The following PTPRT variants were observed in gnomAD, a reference collection of about 807,000 sequenced individuals.
The protein encoded by PTPRT is receptor-type tyrosine-protein phosphatase T.
Under a neutral mutation model 176.8 loss-of-function variants are expected in PTPRT, and 56 were observed. The observed-to-expected ratio is 0.32, with a 90% CI of 0.26 to 0.40. The LOEUF (loss-of-function observed/expected upper bound fraction) is 0.40. PTPRT is among the 10% of genes least tolerant of loss of function. The probability of loss-of-function intolerance (pLI) is 1.00; values close to 1 mark genes in which losing one functional copy is unlikely to be tolerated. For missense variants in PTPRT, 1,540 were observed against 1,908.2 expected (o/e 0.81, Z 3.60); for synonymous variants, 783 against 739.0 (o/e 1.06, Z -0.96).
At chr20:42,935,300 C>T (rs994374595) in intron 1 of PTPRT, among the ~76,000 whole-genome samples, 5 of 151,690 alleles carry the variant, frequency 3.3e-5, no homozygotes, top group South Asian at 4.2e-4. Flanking sequence ...CCAGCACACC[C>T]GGCTAATTTC....
At chr20:42,130,297 G>A (rs1306113234) in intron 18 of PTPRT, among the ~76,000 whole-genome samples, 1 of 152,208 alleles carries the variant, frequency 6.6e-6, no homozygotes, top group African/African-American at 2.4e-5. Context: ...TTGGGCTGAA[G>A]GGATGGAGGG....
intron 11 of PTPRT, among the ~76,000 whole-genome samples, chr20:42,348,709 C>A (rs181811433): frequency 6.1e-4 from 93 of 152,272 alleles, no homozygotes; most frequent in Non-Finnish European, 1.0e-3. Context: ...AAGTTGCAGA[C>A]CCATCTTTTC....
chr20:42,599,735 T>G (rs1307459237), intron 7 of PTPRT, among the ~76,000 whole-genome samples: 3 of 152,152 alleles, frequency 2.0e-5, no homozygotes, highest in African/African-American at 4.8e-5. Flanking sequence ...TCAAAGAGCA[T>G]GTACAATGGG....
At chr20:42,977,959 T>G (rs1416000830) in intron 1 of PTPRT, among the ~76,000 whole-genome samples, 1 of 152,188 alleles carries the variant, frequency 6.6e-6, no homozygotes, top group Non-Finnish European at 1.5e-5. Context: ...CTCCAGTGGA[T>G]GCCTGGTGCA....
At chr20:42,265,621 T>G (rs6513775) in intron 13 of PTPRT, among the ~76,000 whole-genome samples, 1 of 151,784 alleles carries the variant, frequency 6.6e-6, no homozygotes, top group Non-Finnish European at 1.5e-5. Flanking sequence ...CATTTTCCCC[T>G]CATGGTGGCT....
At chr20:42,597,895 G>T (rs1160310518) in intron 7 of PTPRT, among the ~76,000 whole-genome samples, 2 of 152,118 alleles carry the variant, frequency 1.3e-5, no homozygotes, top group African/African-American at 4.8e-5. Context: ...TTATAATTCT[G>T]CCAACAGCAT....
intron 7 of PTPRT, among the ~76,000 whole-genome samples, chr20:42,529,728 C>A (rs867609133): frequency 4.0e-5 from 6 of 151,828 alleles, no homozygotes; most frequent in Non-Finnish European, 8.8e-5. Flanking sequence ...CTTAGGTGAT[C>A]CACTGTCCTC....
chr20:42,635,115 A>G (rs2145910865), intron 7 of PTPRT, among the ~76,000 whole-genome samples: 1 of 152,194 alleles, frequency 6.6e-6, no homozygotes, highest in South Asian at 2.1e-4. Flanking sequence ...GAAAAAAAAT[A>G]TTTTTCAGAA....
chr20:42,047,366 G>C, the PTPRT span, among the ~76,000 whole-genome samples: 2 of 152,198 alleles, frequency 1.3e-5, no homozygotes, highest in Non-Finnish European at 2.9e-5. Context: ...TGCCTGGGCT[G>C]TCAGACAGCT....
At chr20:42,292,979 T>G (rs1267996640) in intron 12 of PTPRT, among the ~76,000 whole-genome samples, 2 of 152,108 alleles carry the variant, frequency 1.3e-5, no homozygotes, top group African/African-American at 4.8e-5. Flanking sequence ...CAACAGTGAG[T>G]GGCAAGGTGC....
chr20:43,065,512 C>T (rs1023738369), intron 1 of PTPRT, among the ~76,000 whole-genome samples: 14 of 152,170 alleles, frequency 9.2e-5, no homozygotes, highest in African/African-American at 3.4e-4. Context: ...CTGTATGTGA[C>T]CCAGTGGGGG....
chr20:42,377,085 G>A (rs773081623), intron 9 of PTPRT, among the ~76,000 whole-genome samples: 2 of 152,172 alleles, frequency 1.3e-5, no homozygotes, highest in Non-Finnish European at 2.9e-5. Flanking sequence ...TCCGTCCTTT[G>A]ATAACTTGGA....
In PTPRT at chr20:42,391,140, G is replaced by A. The variant is rs6072724; in HGVS notation, c.1561-38855C>T. Among the ~76,000 whole-genome samples, 1,360 of 152,214 alleles carry A rather than the reference G, an allele frequency of 8.9e-3. 12 individuals carry two copies. The highest frequency in any genetic ancestry group is 0.013 in the Non-Finnish European group (901 of 68,018). ...TTTAGAGGAAAGAGGGAGGAGCGTG[G>A]CTAGGAACTCTTTAAAATGAGAATT... On this transcript the variant is annotated intron_variant, in intron 9 of 30. Coordinates refer to ENST00000373187, the MANE Select transcript of PTPRT (RefSeq NM_007050.6).
At chr20:42,648,786 T>A (rs1227256759) in intron 7 of PTPRT, among the ~76,000 whole-genome samples, 3 of 150,694 alleles carry the variant, frequency 2.0e-5, no homozygotes, top group African/African-American at 4.9e-5. Flanking sequence ...GGGTAATTTC[T>A]AAAGGAAAGG....
chr20:42,176,479 T>C (rs1049729753), intron 16 of PTPRT, among the ~76,000 whole-genome samples: 1 of 152,194 alleles, frequency 6.6e-6, no homozygotes, highest in African/African-American at 2.4e-5. Context: ...GGACATGATT[T>C]GGAGTTTCTC....
rs1052764009 is a variant in PTPRT, at chr20:42,248,943, A to T, written c.2177-121T>A. On this transcript the variant is annotated intron_variant, in intron 13 of 30. Coordinates refer to ENST00000373187, the MANE Select transcript of PTPRT (RefSeq NM_007050.6). ...TAACTATGTGCCAGGCACTGTGCTA[A>T]GGGCATCACATACATTGTCCCATTT... is the stretch of plus-strand genomic sequence containing the variant. The T allele has an allele frequency of 7.7e-6, 9 of 1,164,544 alleles. No homozygotes were observed. The African/African-American group carries it at 1.2e-4, about 16-fold the overall frequency. 72.1% of individuals were successfully genotyped at this position (1,164,544 alleles called of 1,614,324 possible).
chr20:42,242,699 T>C (rs555014918), intron 14 of PTPRT, among the ~76,000 whole-genome samples: 21 of 151,956 alleles, frequency 1.4e-4, no homozygotes, highest in South Asian at 8.3e-4. Flanking sequence ...AAGAAAAAAA[T>C]AGAAAAACTA....
At chr20:42,612,300 G>A (rs947302448) in intron 7 of PTPRT, among the ~76,000 whole-genome samples, 3 of 152,130 alleles carry the variant, frequency 2.0e-5, no homozygotes, top group Admixed American at 1.3e-4. Context: ...TTTTCATTTT[G>A]CACAACTGTC....
intron 12 of PTPRT, among the ~76,000 whole-genome samples, chr20:42,309,134 TC>T (rs2057589130): frequency 6.6e-6 from 1 of 152,188 alleles, no homozygotes; most frequent in Non-Finnish European, 1.5e-5. Context: ...AAGACTTTTA[TC>T]CTCTGCATAA....
Sources: gnomAD v4.1 joint callset for allele counts (sites outside exome capture counted in the v4.1 genomes callset) on GRCh38, gnomAD v4.1.1 for gene constraint, MANE v1.5 for transcripts, NCBI Gene and HGNC (gene_info 2026-07-23, HGNC 2026-07-21) for gene names.